PAPOLA: variants seen among roughly 807,000 people sequenced by gnomAD.
PAPOLA encodes the protein poly(A) polymerase alpha, also known as polynucleotide adenylyltransferase alpha.
In PAPOLA, 15 loss-of-function variants were observed where a neutral mutation model predicts 100.6. That is an observed-to-expected ratio of 0.15 (90% CI 0.10 to 0.23). PAPOLA has a LOEUF of 0.23. Among genes scored for constraint, PAPOLA ranks in the 10% least tolerant of loss-of-function variants. The probability of loss-of-function intolerance (pLI) is 1.00; values close to 1 mark genes in which losing one functional copy is unlikely to be tolerated. For missense variants in PAPOLA, 533 were observed against 884.2 expected (o/e 0.60, Z 5.04); for synonymous variants, 293 against 300.0 (o/e 0.98, Z 0.24).
intron 6 of PAPOLA, among the ~76,000 whole-genome samples, chr14:96,529,608 G>C (rs1453197813): frequency 6.6e-6 from 1 of 151,938 alleles, no homozygotes; most frequent in Non-Finnish European, 1.5e-5. Flanking sequence ...TGTAGTCCCA[G>C]CTACTTAGGA....
Position 96,502,568 on chromosome 14 carries a change from C to G in PAPOLA, c.-25C>G. 1 of 1,549,212 alleles carries G rather than the reference C, an allele frequency of 6.5e-7. No individual in the cohort carries two copies. Among genetic ancestry groups the G allele is most frequent in the Non-Finnish European group, 8.7e-7 (1 of 1,147,132 alleles). On this transcript the variant is annotated 5_prime_UTR_variant, in exon 1 of 22. Coordinates refer to ENST00000216277, the MANE Select transcript of PAPOLA (RefSeq NM_032632.5). Reference sequence around the variant, plus strand: ...GGCGGCGGTTGCGGGGGGGAAGTGACTGGGCGGTGCCGGCGCCGGAGACGA... The same window carrying G: ...GGCGGCGGTTGCGGGGGGGAAGTGAGTGGGCGGTGCCGGCGCCGGAGACGA...
At chr14:96,533,092 T>G in intron 9 of PAPOLA, 1 of 979,782 alleles carries the variant, frequency 1.0e-6, no homozygotes, top group Non-Finnish European at 1.2e-6. Context: ...ATACGAATTT[T>G]CATAAGAAGC....
chr14:96,537,098 T>C (rs746016686), intron 12 of PAPOLA, 38 bp downstream of exon 12: 4 of 1,069,988 alleles, frequency 3.7e-6, no homozygotes, highest in Non-Finnish European at 5.8e-6. Context: ...GTTGCTCTCT[T>C]AAGTAATGGT....
At chr14:96,548,430 G>C (rs537803127) in intron 16 of PAPOLA, among the ~76,000 whole-genome samples, 23 of 152,230 alleles carry the variant, frequency 1.5e-4, no homozygotes, top group Non-Finnish European at 1.0e-4. Flanking sequence ...CATTGTTCTA[G>C]TGTTAGTGCT....
chr14:96,564,431 T>C (rs1440381748), intron 21 of PAPOLA, among the ~76,000 whole-genome samples: 1 of 152,122 alleles, frequency 6.6e-6, no homozygotes, highest in Non-Finnish European at 1.5e-5. Flanking sequence ...TGTGATTTAA[T>C]CTAATTAATA....
rs1370568416 is a variant in PAPOLA at position 96,567,030 on chromosome 14, C to T, written c.*1980C>T. 6.6e-6 allele frequency: 1 copy of T among 152,280 alleles called. No homozygotes were observed. The highest frequency in any genetic ancestry group is 1.5e-5 in the Non-Finnish European group (1 of 67,950). 9.4% of individuals were successfully genotyped at this position (152,280 alleles called of 1,614,324 possible). On this transcript the variant is annotated 3_prime_UTR_variant, in exon 22 of 22. Coordinates refer to ENST00000216277, the MANE Select transcript of PAPOLA (RefSeq NM_032632.5). ...TTTGCTTTGTTTTATAGTATCTGTA[C>T]TCCTTGTATTTTTCAAGAGCTATTT...
In PAPOLA at chr14:96,525,363, A is replaced by C; in HGVS notation, c.303A>C (p.Gly101=). The C allele has an allele frequency of 1.3e-6, 2 of 1,498,216 alleles. No individual in the cohort carries two copies. Among genetic ancestry groups the C allele is most frequent in the Non-Finnish European group, 1.8e-6 (2 of 1,084,296 alleles). 92.8% of individuals were successfully genotyped at this position (1,498,216 alleles called of 1,614,324 possible). Residue 101 remains glycine, a synonymous_variant, in exon 4 of 22, where the codon GGA becomes GGC. Coordinates refer to ENST00000216277, the MANE Select transcript of PAPOLA (RefSeq NM_032632.5). ...TTGGAGGAAAAATTTTTACATTTGG[A>C]TCTTACAGATTAGGAGTGCATACAA... ...ENVGGKIFTF[G]SYRLGVHTKG...
chr14:96,533,455 C>T (rs1899220724), intron 9 of PAPOLA: 6 of 983,616 alleles, frequency 6.1e-6, no homozygotes, highest in Admixed American at 6.2e-5. Context: ...AATTTAGAAC[C>T]ATGCCACACT....
intron 3 of PAPOLA, among the ~76,000 whole-genome samples, chr14:96,522,408 T>C (rs1898078471): frequency 6.6e-6 from 1 of 151,842 alleles, no homozygotes; most frequent in African/African-American, 2.4e-5. Flanking sequence ...CGTGAGGTAC[T>C]GTTCTGTCCT....
chr14:96,509,936 G>C, intron 1 of PAPOLA, among the ~76,000 whole-genome samples: 1 of 126,454 alleles, frequency 7.9e-6, no homozygotes, highest in South Asian at 2.6e-4. Context: ...ACGCCGCTTT[G>C]TTGTGGCCAG....
chr14:96,521,772 C>T (rs559048057), intron 3 of PAPOLA, among the ~76,000 whole-genome samples: 44 of 151,596 alleles, frequency 2.9e-4, no homozygotes, highest in African/African-American at 9.2e-4. Context: ...AGCCGCTGCC[C>T]GGCCTATTTA....
intron 15 of PAPOLA, among the ~76,000 whole-genome samples, chr14:96,544,999 T>C (rs1900273685): frequency 6.6e-6 from 1 of 152,064 alleles, no homozygotes; most frequent in Admixed American, 6.6e-5. Flanking sequence ...GCTGCACAAC[T>C]TTTAATGGGA....
At chr14:96,546,214 A>C (rs931083833) in intron 15 of PAPOLA, among the ~76,000 whole-genome samples, 2 of 151,994 alleles carry the variant, frequency 1.3e-5, no homozygotes, top group Admixed American at 6.6e-5. Flanking sequence ...TCCACTATAA[A>C]ATCTTTTTGC....
intron 16 of PAPOLA, 23 bp from the exon 17 acceptor site, chr14:96,552,457 A>G: frequency 1.9e-6 from 3 of 1,597,758 alleles, no homozygotes; most frequent in Non-Finnish European, 2.6e-6. Flanking sequence ...GATATATTTG[A>G]TAAAATGTTT....
chr14:96,534,008 GC>G (rs1899300992), intron 9 of PAPOLA: 12 of 986,684 alleles, frequency 1.2e-5, no homozygotes, highest in Non-Finnish European at 1.4e-5. Flanking sequence ...ATGTGGTTAT[GC>G]CACCAAGTTT....
chr14:96,564,927 A>G (rs1482509731), intron 21 of PAPOLA, 28 bp from the exon 22 acceptor site: 2 of 1,120,404 alleles, frequency 1.8e-6, no homozygotes, highest in African/African-American at 3.1e-5. Context: ...GCTTTGAACA[A>G]TGTTGTGTTC....
rs376640258 is a variant in PAPOLA at position 96,531,393 on chromosome 14, A to AT, written c.496-76dup. ...TGCCTCAGCCTCCCAGAGTGCTGGG[A>AT]TTTTTTGTTTGTTTGTTTTTTCATA... On this transcript the variant is annotated intron_variant, in intron 6 of 21. Transcript: ENST00000216277. 858 of 1,115,184 alleles carry AT rather than the reference A, an allele frequency of 7.7e-4. 5 individuals carry two copies. In the African/African-American group the frequency reaches 0.012, roughly 16 times the overall value. The allele number at this position is 1,115,184 out of a possible 1,614,324, so 69.1% of individuals were successfully genotyped here.
chr14:96,534,363 A>C (rs1174040990), intron 9 of PAPOLA, 128 bp from the exon 10 acceptor site: 1 of 1,483,162 alleles, frequency 6.7e-7, no homozygotes. Flanking sequence ...AGAAAGGATT[A>C]AAACGTTGTA....
Position 96,556,422 on chromosome 14 carries a change from A to G in PAPOLA, c.2004+9A>G. The G allele has an allele frequency of 6.5e-7, 1 of 1,543,082 alleles. No homozygotes were observed. The highest frequency in any genetic ancestry group is 8.9e-7 in the Non-Finnish European group (1 of 1,117,562). Reference sequence around the variant, plus strand: ...AAACCAAAACAGAAGAGGTATATATATGAAAAACATATTAGTTAGCCATGG... The same window carrying G: ...AAACCAAAACAGAAGAGGTATATATGTGAAAAACATATTAGTTAGCCATGG... On this transcript the variant is annotated intron_variant, in intron 19 of 21. Coordinates refer to ENST00000216277, the MANE Select transcript of PAPOLA (RefSeq NM_032632.5).
Sources: allele counts gnomAD v4.1 joint callset (sites outside exome capture counted in the v4.1 genomes callset), GRCh38; gene constraint gnomAD v4.1.1; transcripts MANE v1.5; gene names NCBI Gene and HGNC (gene_info 2026-07-23, HGNC 2026-07-21).